Variants in ZNF610 observed in about 807,000 individuals in gnomAD.
ZNF610 encodes zink finger protein.
A neutral mutation model predicts 14.1 loss-of-function variants in ZNF610; 14 were observed. The ratio of observed to expected loss-of-function variants is 0.99; its 90% CI spans 0.65 to 1.55. The LOEUF (loss-of-function observed/expected upper bound fraction) is 1.55, where lower values mean the gene tolerates loss of function less well. ZNF610 is among the 40% of genes most tolerant of loss of function. The probability of loss-of-function intolerance (pLI) is 0.00; values close to 1 mark genes in which losing one functional copy is unlikely to be tolerated. For missense variants in ZNF610, 530 were observed against 558.0 expected, an observed-to-expected ratio of 0.95 and a Z score of 0.51; for synonymous variants, 185 against 187.6, an observed-to-expected ratio of 0.99 and a Z score of 0.11.
chr19:52,342,467 T>G (rs2122183512), intron 1 of ZNF610, among the ~76,000 whole-genome samples: 1 of 152,178 alleles, frequency 6.6e-6, no homozygotes, highest in South Asian at 2.1e-4. Context: ...TCACTCCCTC[T>G]TCTTTTTTCT....
Position 52,353,721 on chromosome 19 carries a change from C to A in ZNF610, c.103C>A (p.Gln35Lys), listed in dbSNP as rs776968660. The A allele has an allele frequency of 6.2e-7, 1 of 1,613,978 alleles. No individual in the cohort carries two copies. Among genetic ancestry groups the A allele is most frequent in the African/African-American group, 1.3e-5 (1 of 75,016 alleles). Residue 35 changes from glutamine to lysine, a missense_variant, in exon 4 of 6, where the codon CAG becomes AAG. Physicochemically the swap from Gln to Lys is moderately conservative, Grantham distance 53. Coordinates refer to ENST00000403906, the MANE Select transcript of ZNF610 (RefSeq NM_001161425.2). ...TFMDVAIEFS[Q>K]EEWKSLDPGQ... Reference sequence around the variant, plus strand: ...CATGGACGTGGCCATCGAATTCTCTCAGGAGGAGTGGAAATCCCTGGACCC... The same window carrying A: ...CATGGACGTGGCCATCGAATTCTCTAAGGAGGAGTGGAAATCCCTGGACCC...
rs117175149 is a variant in ZNF610 at position 52,349,900 on chromosome 19, G to A, written c.63+665G>A. 3.9e-3 allele frequency among the ~76,000 whole-genome samples: 591 copies of A among 152,230 alleles called. 22 individuals carry two copies. In the East Asian group the frequency reaches 0.08, roughly 21 times the overall value. On this transcript the variant is annotated intron_variant, in intron 3 of 5. Coordinates refer to ENST00000403906, the MANE Select transcript of ZNF610 (RefSeq NM_001161425.2). ...CACATATTAATGCACACAAGTACCT[G>A]GTACATTCTGGAAAAGGAGTTCAGG... is the stretch of plus-strand genomic sequence containing the variant.
intron 1 of ZNF610, among the ~76,000 whole-genome samples, chr19:52,338,679 A>G (rs1984495793): frequency 6.6e-6 from 1 of 152,160 alleles, no homozygotes; most frequent in Non-Finnish European, 1.5e-5. Flanking sequence ...GTCTCAAAAA[A>G]AAAGGAGGGG....
intron 5 of ZNF610, among the ~76,000 whole-genome samples, chr19:52,355,192 G>A (rs1985468536): frequency 6.6e-6 from 1 of 152,204 alleles, no homozygotes; most frequent in African/African-American, 2.4e-5. Flanking sequence ...CTTTCTTCCT[G>A]TACTTGATTC....
Position 52,366,951 on chromosome 19 carries a change from T to C in ZNF610, c.*184T>C. The C allele has an allele frequency of 1.8e-6, 1 of 570,514 alleles. No homozygotes were observed. Among genetic ancestry groups the C allele is most frequent in the Non-Finnish European group, 3.1e-6 (1 of 326,616 alleles). 35.3% of individuals were successfully genotyped at this position (570,514 alleles called of 1,614,324 possible). ...TAAAGTTAATAACATATATAAATAA[T>C]CTATAAAGAGAGAACAGTTATATCA... On this transcript the variant is annotated 3_prime_UTR_variant, in exon 6 of 6. Transcript: ENST00000403906.
intron 5 of ZNF610, among the ~76,000 whole-genome samples, chr19:52,365,383 C>T (rs746526613): frequency 3.3e-5 from 5 of 152,152 alleles, no homozygotes; most frequent in Admixed American, 1.3e-4. Flanking sequence ...AATGTCTATA[C>T]AACTGCTCTT....
intron 5 of ZNF610, among the ~76,000 whole-genome samples, chr19:52,356,972 C>G (rs1985550048): frequency 6.6e-6 from 1 of 152,106 alleles, no homozygotes; most frequent in Admixed American, 6.5e-5. Flanking sequence ...TGCTGGGGGC[C>G]CTTGAATTCT....
At chr19:52,344,280 C>T (rs1341285086) in intron 1 of ZNF610, 1 of 152,184 alleles carries the variant, frequency 6.6e-6, no homozygotes, top group Admixed American at 6.6e-5. Context: ...CTTCCTTCCC[C>T]AGGCCTTTGT....
chr19:52,365,924 T>C lies in ZNF610; in HGVS notation c.546T>C (p.Asp182=). 2 of 1,612,794 alleles carry C rather than the reference T, an allele frequency of 1.2e-6. No individual in the cohort carries two copies. The highest frequency in any genetic ancestry group is 1.7e-6 in the Non-Finnish European group (2 of 1,179,402). The change falls in exon 6 of 6, where the codon GAT becomes GAC. Residue 182 remains aspartate, a synonymous_variant. Coordinates refer to ENST00000403906, the MANE Select transcript of ZNF610 (RefSeq NM_001161425.2). ...ACATTTTTAATAAATATAGAAATGA[T>C]CTTATTGATTTCCCATTACTCCCAC... ...TTHIFNKYRN[D]LIDFPLLPQE...
chr19:52,346,638 A>G (rs1343435213), intron 1 of ZNF610, among the ~76,000 whole-genome samples: 1 of 152,214 alleles, frequency 6.6e-6, no homozygotes, highest in Non-Finnish European at 1.5e-5. Flanking sequence ...TTTATGGTGC[A>G]TTACCTGCTC....
At chr19:52,359,106 A>G (rs1280227372) in intron 5 of ZNF610, among the ~76,000 whole-genome samples, 1 of 152,056 alleles carries the variant, frequency 6.6e-6, no homozygotes, top group Non-Finnish European at 1.5e-5. Flanking sequence ...CTTTCTTTCA[A>G]GTTTGTTTTG....
intron 1 of ZNF610, among the ~76,000 whole-genome samples, 162 bp downstream of exon 1, chr19:52,336,668 C>T (rs972770870): frequency 7.2e-5 from 11 of 152,230 alleles, no homozygotes; most frequent in Non-Finnish European, 1.2e-4. Context: ...GCCCCAGTCC[C>T]GGCGGGGGAG....
chr19:52,352,426 C>T (rs1344370046), intron 3 of ZNF610, among the ~76,000 whole-genome samples: 1 of 151,992 alleles, frequency 6.6e-6, no homozygotes, highest in African/African-American at 2.4e-5. Flanking sequence ...TTAGTAGAGA[C>T]GGGATTTCTC....
intron 1 of ZNF610, among the ~76,000 whole-genome samples, chr19:52,338,189 T>A (rs935116954): frequency 6.6e-6 from 1 of 152,254 alleles, no homozygotes; most frequent in Non-Finnish European, 1.5e-5. Context: ...AGTCCTGGGT[T>A]GGGACTTGAA....
rs1985042578 is a variant in ZNF610, at chr19:52,347,925, TCCTGCAAGCGC to T, written c.-37_-27del. ...CTGACTCATCCAGAGCAATTTCTAG[TCCTGCAAGCGC>T]CATTCATGGTGAGTGCCCTAGACAG... On this transcript the variant is annotated 5_prime_UTR_variant, in exon 2 of 6. Coordinates refer to ENST00000403906, the MANE Select transcript of ZNF610 (RefSeq NM_001161425.2). 1 of 152,240 alleles carries T rather than the reference TCCTGCAAGCGC, an allele frequency of 6.6e-6. No homozygotes were observed. The highest frequency in any genetic ancestry group is 1.5e-5 in the Non-Finnish European group (1 of 68,046). The allele number at this position is 152,240 out of a possible 1,614,324, so 9.4% of individuals were successfully genotyped here. A position where few individuals can be genotyped will look rare whatever the true frequency, so the allele number is the denominator to read the frequency against.
Position 52,367,555 on chromosome 19 carries a change from AGTG to A in ZNF610, c.*789_*791del. The A allele has an allele frequency of 6.6e-6, 1 of 152,100 alleles. No homozygotes were observed. The highest frequency in any genetic ancestry group is 2.1e-4 in the South Asian group (1 of 4,824). 9.4% of individuals were successfully genotyped at this position (152,100 alleles called of 1,614,324 possible). On this transcript the variant is annotated 3_prime_UTR_variant, in exon 6 of 6. Coordinates refer to ENST00000403906, the MANE Select transcript of ZNF610 (RefSeq NM_001161425.2). ...ATTTTAAGGTTGAAGCAGCCAGAAA[AGTG>A]TGTGTGTGTGTATGTGTGTGAGACA...
At chr19:52,353,455 C>G (rs4802924) in intron 3 of ZNF610, among the ~76,000 whole-genome samples, 68,477 of 151,596 alleles carry the variant, frequency 0.45, 15,896 homozygotes, top group African/African-American at 0.57. Context: ...TTCCCATGAA[C>G]CCAGGAGTTT....
At chr19:52,354,508 A>G in intron 5 of ZNF610, 129 bp downstream of exon 5, 1 of 1,058,526 alleles carries the variant, frequency 9.4e-7, no homozygotes, top group Non-Finnish European at 1.3e-6. Flanking sequence ...AAACTCCTGG[A>G]CTCAAGCAAT....
At chr19:52,341,105 A>G (rs1385553783) in intron 1 of ZNF610, among the ~76,000 whole-genome samples, 4 of 152,144 alleles carry the variant, frequency 2.6e-5, no homozygotes, top group African/African-American at 9.6e-5. Context: ...AAAATACTGT[A>G]TTTACTACAT....
Sources: gnomAD v4.1 joint callset for allele counts (sites outside exome capture counted in the v4.1 genomes callset) on GRCh38, gnomAD v4.1.1 for gene constraint, MANE v1.5 for transcripts, NCBI Gene and HGNC (gene_info 2026-07-23, HGNC 2026-07-21) for gene names.